MAGI1: variants seen among roughly 807,000 people sequenced by gnomAD.
MAGI1 encodes the protein membrane associated guanylate kinase, WW and PDZ domain containing 1, also known as membrane-associated guanylate kinase, WW and PDZ domain-containing protein 1.
A neutral mutation model predicts 139.9 loss-of-function variants in MAGI1; 58 were observed. The ratio of observed to expected loss-of-function variants is 0.41; its 90% CI spans 0.34 to 0.52. MAGI1 has a LOEUF of 0.52. Ranked by LOEUF, MAGI1 falls within the 20% of genes least tolerant of loss-of-function variation. MAGI1 has a pLI of 0.12. For missense variants in MAGI1, 1,874 were observed against 1,901.6 expected (o/e 0.99, Z 0.27); for synonymous variants, 812 against 737.9 (o/e 1.10, Z -1.63).
intron 4 of MAGI1, among the ~76,000 whole-genome samples, chr3:65,471,397 T>C (rs1200030289): frequency 6.6e-6 from 1 of 152,188 alleles, no homozygotes; most frequent in African/African-American, 2.4e-5. Flanking sequence ...CATTTCTGAT[T>C]TAGCAAAAAC....
At chr3:65,899,524 C>T (rs1157617613) in intron 1 of MAGI1, among the ~76,000 whole-genome samples, 2 of 152,142 alleles carry the variant, frequency 1.3e-5, no homozygotes, top group Admixed American at 6.5e-5. Flanking sequence ...AATGGAAATG[C>T]CACCATGGCA....
intron 1 of MAGI1, among the ~76,000 whole-genome samples, chr3:65,859,650 G>C (rs1029357481): frequency 6.6e-6 from 1 of 151,792 alleles, no homozygotes; most frequent in African/African-American, 2.4e-5. Context: ...GAACCTGGGA[G>C]GCAGAGGTTG....
At chr3:65,547,341 A>G (rs548125013) in intron 2 of MAGI1, among the ~76,000 whole-genome samples, 1 of 152,348 alleles carries the variant, frequency 6.6e-6, no homozygotes, top group East Asian at 1.9e-4. Flanking sequence ...GTATGACACT[A>G]TTGTTAACTT....
intron 1 of MAGI1, among the ~76,000 whole-genome samples, chr3:65,895,055 A>G (rs1319526693): frequency 6.6e-6 from 1 of 152,096 alleles, no homozygotes; most frequent in East Asian, 1.9e-4. Context: ...AACAAATAAA[A>G]ACGTCTCTTT....
At chr3:65,748,850 C>T (rs1360721339) in intron 1 of MAGI1, among the ~76,000 whole-genome samples, 1 of 152,052 alleles carries the variant, frequency 6.6e-6, no homozygotes, top group Non-Finnish European at 1.5e-5. Context: ...GTGGGGTATA[C>T]AGCACTTAAG....
intron 1 of MAGI1, among the ~76,000 whole-genome samples, chr3:65,806,799 G>T (rs569686278): frequency 6.6e-6 from 1 of 152,294 alleles, no homozygotes; most frequent in South Asian, 2.1e-4. Flanking sequence ...CTAGATGCCA[G>T]TAGCACACCC....
intron 13 of MAGI1, among the ~76,000 whole-genome samples, chr3:65,401,062 CG>C (rs1944849013): frequency 6.6e-6 from 1 of 152,018 alleles, no homozygotes; most frequent in African/African-American, 2.4e-5. Flanking sequence ...ATGCTACTCA[CG>C]GAGCAGGTGG....
At chr3:65,746,134 C>T (rs1045543907) in intron 1 of MAGI1, among the ~76,000 whole-genome samples, 1 of 152,204 alleles carries the variant, frequency 6.6e-6, no homozygotes, top group Non-Finnish European at 1.5e-5. Context: ...CTCCCAGGTT[C>T]AAGCGATTCT....
At chr3:66,016,571 C>A (rs1039476551) in intron 1 of MAGI1, among the ~76,000 whole-genome samples, 2 of 152,142 alleles carry the variant, frequency 1.3e-5, no homozygotes, top group African/African-American at 4.8e-5. Flanking sequence ...GCCCCAGCAC[C>A]GGAGCTGGAG....
chr3:65,932,624 T>C (rs1391141661), intron 1 of MAGI1, among the ~76,000 whole-genome samples: 2 of 152,174 alleles, frequency 1.3e-5, no homozygotes, highest in Non-Finnish European at 2.9e-5. Flanking sequence ...TGAAATTCTC[T>C]CTTTCCAGGA....
At chr3:65,553,261 T>G (rs1235772912) in intron 2 of MAGI1, among the ~76,000 whole-genome samples, 1 of 152,078 alleles carries the variant, frequency 6.6e-6, no homozygotes, top group Non-Finnish European at 1.5e-5. Flanking sequence ...TAGCTAGAGG[T>G]AGTTTCTACA....
At chr3:65,939,510 T>C (rs1046958763) in intron 1 of MAGI1, among the ~76,000 whole-genome samples, 6 of 152,292 alleles carry the variant, frequency 3.9e-5, no homozygotes, top group South Asian at 4.1e-4. Flanking sequence ...CAAAGAAATA[T>C]TGTCAAATAG....
intron 1 of MAGI1, among the ~76,000 whole-genome samples, chr3:65,718,099 T>C (rs1006799758): frequency 2.0e-5 from 3 of 152,200 alleles, no homozygotes; most frequent in African/African-American, 7.2e-5. Context: ...GATTGGTCTG[T>C]GACTCTAACT....
intron 12 of MAGI1, among the ~76,000 whole-genome samples, chr3:65,415,327 A>G (rs192053944): frequency 5.3e-4 from 80 of 152,340 alleles, no homozygotes; most frequent in South Asian, 6.2e-4. Flanking sequence ...ATTCAATATG[A>G]CAGAGCAAGG....
intron 1 of MAGI1, among the ~76,000 whole-genome samples, chr3:65,691,624 C>T (rs2088660660): frequency 6.6e-6 from 1 of 152,146 alleles, no homozygotes; most frequent in Non-Finnish European, 1.5e-5. Flanking sequence ...CCACCTTAAA[C>T]AAATTCCTAT....
chr3:65,557,221 A>G (rs943167239), intron 2 of MAGI1, among the ~76,000 whole-genome samples: 6 of 152,234 alleles, frequency 3.9e-5, no homozygotes, highest in African/African-American at 1.4e-4. Flanking sequence ...CCCTAAGATT[A>G]GGTTATAAGA....
intron 7 of MAGI1, among the ~76,000 whole-genome samples, chr3:65,447,298 G>A (rs761661122): frequency 3.3e-5 from 5 of 152,170 alleles, no homozygotes; most frequent in East Asian, 1.9e-4. Context: ...AATAGCAAAC[G>A]TAATTCAATA....
chr3:65,439,272 G>C (rs932205806), intron 9 of MAGI1, among the ~76,000 whole-genome samples: 2 of 152,138 alleles, frequency 1.3e-5, no homozygotes, highest in Admixed American at 6.5e-5. Context: ...TACTATATAC[G>C]TATAAATTAT....
chr3:65,996,816 A>C (rs1031480864), intron 1 of MAGI1, among the ~76,000 whole-genome samples: 1 of 152,214 alleles, frequency 6.6e-6, no homozygotes, highest in Admixed American at 6.5e-5. Flanking sequence ...GTTCTGATGA[A>C]ATCAACACCC....
Sources: allele counts gnomAD v4.1 joint callset (sites outside exome capture counted in the v4.1 genomes callset), GRCh38; gene constraint gnomAD v4.1.1; transcripts MANE v1.5; gene names NCBI Gene and HGNC (gene_info 2026-07-23, HGNC 2026-07-21).